SGCZ: variants seen among roughly 807,000 people sequenced by gnomAD.
SGCZ encodes sarcoglycan zeta.
SGCZ carries 40 observed loss-of-function variants against 41.3 expected under a neutral mutation model. The observed-to-expected ratio is 0.97, with a 90% CI of 0.75 to 1.26. SGCZ has a LOEUF of 1.26. Ranked by LOEUF, SGCZ falls within the 50% of genes most tolerant of loss-of-function variation. SGCZ has a pLI of 0.00. For missense variants in SGCZ, 552 were observed against 369.8 expected (o/e 1.49, Z -4.04); for synonymous variants, 206 against 137.5 (o/e 1.50, Z -3.49).
In SGCZ at chr8:14,702,925, G is replaced by GTAGATAGA. The variant is rs1159190492; in HGVS notation, c.40-148007_40-148000dup. On this transcript the variant is annotated intron_variant, in intron 1 of 7. Coordinates refer to ENST00000382080, the MANE Select transcript of SGCZ (RefSeq NM_139167.4). ...GGCAGACAGGTAGGTAGTTAGGTAG[G>GTAGATAGA]TAGATAGATAGATAGATAGATAGAT... Among the ~76,000 whole-genome samples, 622 of 125,966 alleles carry GTAGATAGA rather than the reference G, an allele frequency of 4.9e-3. 3 individuals carry two copies. The highest frequency in any genetic ancestry group is 0.012 in the East Asian group (52 of 4,434). 82.6% of individuals were successfully genotyped at this position (125,966 alleles called of 152,430 possible).
chr8:14,696,471 G>T (rs895546108), intron 1 of SGCZ, among the ~76,000 whole-genome samples: 41 of 152,082 alleles, frequency 2.7e-4, no homozygotes, highest in African/African-American at 7.5e-4. Flanking sequence ...ACACATCCAT[G>T]GAAAAATAAT....
intron 1 of SGCZ, among the ~76,000 whole-genome samples, chr8:15,005,317 T>G (rs1210109866): frequency 9.5e-5 from 4 of 42,092 alleles, no homozygotes; most frequent in Non-Finnish European, 2.2e-4. Context: ...CTCCCCCGTT[T>G]TTTTCTTTTT....
chr8:14,933,477 G>T (rs1799984513), intron 1 of SGCZ, among the ~76,000 whole-genome samples: 1 of 146,758 alleles, frequency 6.8e-6, no homozygotes, highest in Admixed American at 6.9e-5. Flanking sequence ...TGTCGTCCAG[G>T]CTGGAGTGCA....
chr8:14,157,262 T>TTA lies in SGCZ; in HGVS notation c.547+7316_547+7317dup, dbSNP rs1014047128. The stretch of plus-strand genomic sequence containing the variant: ...GCTGAACATTATATAGCACATAATT[T>TTA]TATATATATATAAAATGTATATACA... On this transcript the variant is annotated intron_variant, in intron 5 of 7. Transcript: ENST00000382080. Among the ~76,000 whole-genome samples, 33 of 149,070 alleles carry TTA rather than the reference T, an allele frequency of 2.2e-4. No homozygotes were observed. The South Asian group carries it at 3.8e-3, about 17-fold the overall frequency.
intron 2 of SGCZ, among the ~76,000 whole-genome samples, chr8:14,487,162 AGCTG>A (rs1313582840): frequency 3.9e-5 from 6 of 152,078 alleles, no homozygotes; most frequent in African/African-American, 1.4e-4. Context: ...CTCTTTCCTT[AGCTG>A]TATGATCATG....
At chr8:14,130,124 G>A (rs1802992879) in intron 5 of SGCZ, among the ~76,000 whole-genome samples, 1 of 152,070 alleles carries the variant, frequency 6.6e-6, no homozygotes, top group African/African-American at 2.4e-5. Flanking sequence ...CTAGTATAAG[G>A]ACAGACATGT....
chr8:14,701,812 C>T (rs753435212), intron 1 of SGCZ, among the ~76,000 whole-genome samples: 1 of 151,886 alleles, frequency 6.6e-6, no homozygotes, highest in Non-Finnish European at 1.5e-5. Flanking sequence ...ATTGACCCAC[C>T]CAAGCAAGAT....
At chr8:14,802,157 C>A (rs192915015) in intron 1 of SGCZ, among the ~76,000 whole-genome samples, 16 of 152,296 alleles carry the variant, frequency 1.1e-4, no homozygotes, top group Middle Eastern at 6.8e-3. Flanking sequence ...CTGTCATCAG[C>A]ACTCTAGAAA....
chr8:14,836,116 G>T (rs1396107388), intron 1 of SGCZ, among the ~76,000 whole-genome samples: 1 of 151,616 alleles, frequency 6.6e-6, no homozygotes, highest in Non-Finnish European at 1.5e-5. Context: ...CATTTTTACT[G>T]CCTCCCCCAC....
chr8:14,864,229 C>T (rs1327918893), intron 1 of SGCZ, among the ~76,000 whole-genome samples: 2 of 151,932 alleles, frequency 1.3e-5, no homozygotes, highest in Non-Finnish European at 2.9e-5. Context: ...ACACTTCCCA[C>T]CACTTACATG....
At chr8:15,076,711 A>G (rs1241953711) in intron 1 of SGCZ, among the ~76,000 whole-genome samples, 5 of 151,876 alleles carry the variant, frequency 3.3e-5, no homozygotes, top group Admixed American at 3.3e-4. Context: ...CTGTATCCTG[A>G]AAGTACTTGA....
At chr8:14,597,952 C>A (rs758302692) in intron 1 of SGCZ, among the ~76,000 whole-genome samples, 1 of 152,104 alleles carries the variant, frequency 6.6e-6, no homozygotes, top group Non-Finnish European at 1.5e-5. Flanking sequence ...ATTATTTTCA[C>A]GTATTCTTCA....
At chr8:14,597,800 T>A (rs192776612) in intron 1 of SGCZ, among the ~76,000 whole-genome samples, 24 of 152,146 alleles carry the variant, frequency 1.6e-4, no homozygotes, top group African/African-American at 5.5e-4. Context: ...TTTCTCTTTC[T>A]CTCCCACAAG....
chr8:14,507,230 C>T (rs890459525), intron 2 of SGCZ, among the ~76,000 whole-genome samples: 2 of 149,826 alleles, frequency 1.3e-5, no homozygotes, highest in South Asian at 2.1e-4. Flanking sequence ...TGTAGCCATT[C>T]GCACCAGCAC....
chr8:15,224,445 A>C (rs1002723819), intron 1 of SGCZ, among the ~76,000 whole-genome samples: 11 of 152,186 alleles, frequency 7.2e-5, no homozygotes, highest in Non-Finnish European at 1.6e-4. Flanking sequence ...AATTCTGAAA[A>C]GCTAGAGAAA....
chr8:14,835,567 T>C (rs1448111247), intron 1 of SGCZ, among the ~76,000 whole-genome samples: 2 of 152,188 alleles, frequency 1.3e-5, no homozygotes, highest in Non-Finnish European at 2.9e-5. Flanking sequence ...CTTTTCCAGA[T>C]CATTAATGAG....
intron 5 of SGCZ, among the ~76,000 whole-genome samples, chr8:14,149,811 A>G (rs112773672): frequency 3.9e-5 from 6 of 152,288 alleles, no homozygotes; most frequent in African/African-American, 1.2e-4. Context: ...GTAGCATGGT[A>G]TTCTCATAAA....
At chr8:14,797,767 G>A (rs1486231239) in intron 1 of SGCZ, among the ~76,000 whole-genome samples, 1 of 152,126 alleles carries the variant, frequency 6.6e-6, no homozygotes, top group East Asian at 1.9e-4. Context: ...TGGGTCCAGG[G>A]CCCCCTTGCT....
chr8:14,331,450 TG>T (rs1802318176), intron 2 of SGCZ, among the ~76,000 whole-genome samples: 1 of 152,106 alleles, frequency 6.6e-6, no homozygotes, highest in South Asian at 2.1e-4. Flanking sequence ...CATAAGTTGA[TG>T]GCCTGCTTTA....
Sources: allele counts gnomAD v4.1 joint callset (sites outside exome capture counted in the v4.1 genomes callset), GRCh38; gene constraint gnomAD v4.1.1; transcripts MANE v1.5; gene names NCBI Gene and HGNC (gene_info 2026-07-23, HGNC 2026-07-21).